MYBL2: variants seen among roughly 807,000 people sequenced by gnomAD.
MYBL2 encodes myb-related protein B.
In MYBL2, 28 loss-of-function variants were observed where a neutral mutation model predicts 79.9. The observed-to-expected ratio is 0.35, with a 90% CI of 0.26 to 0.48. The LOEUF (loss-of-function observed/expected upper bound fraction) is 0.48, where lower values mean the gene tolerates loss of function less well. MYBL2 is among the 20% of genes least tolerant of loss of function. MYBL2 has a pLI of 0.99. For synonymous variants in MYBL2, 378 were observed against 361.2 expected (o/e 1.05, Z -0.53); for missense variants, 735 against 893.9 (o/e 0.82, Z 2.27).
At position 43,716,075 on chromosome 20, in the gene MYBL2, C is replaced by T; in HGVS notation, c.2091C>T (p.Leu697=). 1 of 1,607,752 alleles carries T rather than the reference C, an allele frequency of 6.2e-7. No homozygotes were observed. ...AGCCCAGCCACACATCTCGGACCCTCATCTTGTCCTGAGGTGTTGAGGGTG... is the reference window on the plus strand; with the variant it reads ...AGCCCAGCCACACATCTCGGACCCTTATCTTGTCCTGAGGTGTTGAGGGTG... ...RLKPSHTSRT[L]ILS The change falls in exon 14 of 14, where the codon CTC becomes CTT. Residue 697 remains leucine (L), a synonymous_variant. Coordinates refer to ENST00000217026, the MANE Select transcript of MYBL2 (RefSeq NM_002466.4).
chr20:43,682,958 C>T lies in MYBL2; in HGVS notation c.279+72C>T. On this transcript the variant is annotated intron_variant, in intron 4 of 13. Coordinates refer to ENST00000217026, the MANE Select transcript of MYBL2 (RefSeq NM_002466.4). ...AGTGTACCTGGGGACTGTGAGATTG[C>T]CTTGTGTTGGGGTTGGGGGTGTCAA... 5 of 1,446,220 alleles carry T rather than the reference C, an allele frequency of 3.5e-6. No homozygotes were observed. The South Asian group carries it at 4.6e-5, about 13-fold the overall frequency. 89.6% of individuals were successfully genotyped at this position (1,446,220 alleles called of 1,614,324 possible).
At chr20:43,710,111 C>A in intron 10 of MYBL2, 49 bp downstream of exon 10, 1 of 1,452,000 alleles carries the variant, frequency 6.9e-7, no homozygotes, top group Non-Finnish European at 9.4e-7. Context: ...GGGATCCCTT[C>A]GGTTCATCCA....
rs1052741465 is a variant in MYBL2, at chr20:43,705,167, G to T, written c.1366-52G>T. The stretch of plus-strand genomic sequence containing the variant: ...CCCCATGATCCCCTGAGGTCTCAGG[G>T]ATACTCATGCAGGTCATCATTTTGT... On this transcript the variant is annotated intron_variant, in intron 8 of 13. Transcript: ENST00000217026. 1.1e-5 allele frequency: 18 copies of T among 1,597,690 alleles called. 1 individual carries two copies. In the South Asian group the frequency reaches 1.9e-4, roughly 17 times the overall value.
intron 6 of MYBL2, among the ~76,000 whole-genome samples, chr20:43,694,740 C>T (rs1033903997): frequency 6.6e-5 from 10 of 152,148 alleles, no homozygotes; most frequent in South Asian, 2.1e-4. Flanking sequence ...ATCTCTTAAC[C>T]GGAGGAGTCT....
At chr20:43,702,984 G>T in intron 8 of MYBL2, 81 bp downstream of exon 8, 1 of 1,429,640 alleles carries the variant, frequency 7.0e-7, no homozygotes, top group Non-Finnish European at 9.4e-7. Context: ...TGAGCAAAAC[G>T]AGACCTGGCT....
chr20:43,672,969 A>C (rs1480885143), intron 1 of MYBL2, among the ~76,000 whole-genome samples: 2 of 152,094 alleles, frequency 1.3e-5, no homozygotes, highest in Non-Finnish European at 2.9e-5. Flanking sequence ...TTTTTGAGAC[A>C]GTCTTGCTTT....
rs866299153 is a variant in MYBL2, at chr20:43,716,012, C to T, written c.2028C>T (p.Phe676=). 1.9e-6 allele frequency: 3 copies of T among 1,612,406 alleles called. No individual in the cohort carries two copies. Among genetic ancestry groups the T allele is most frequent in the Middle Eastern group, 1.7e-4 (1 of 6,058 alleles). The change falls in exon 14 of 14, where the codon TTC becomes TTT. Residue 676 remains phenylalanine, a synonymous_variant. Transcript: ENST00000217026. ...VACGGTRDQL[F]MQEKARQLLG... is the part of the protein sequence containing the mutation. ...GCGGGGGGACCAGGGACCAGCTTTTCATGCAGGAGAAAGCCCGGCAGCTCC... is the reference window on the plus strand; with the variant it reads ...GCGGGGGGACCAGGGACCAGCTTTTTATGCAGGAGAAAGCCCGGCAGCTCC...
At chr20:43,685,245 A>G (rs1334260106) in intron 4 of MYBL2, among the ~76,000 whole-genome samples, 7 of 151,512 alleles carry the variant, frequency 4.6e-5, no homozygotes. Context: ...CAGTGGCATG[A>G]TCTCAGCTCA....
intron 9 of MYBL2, among the ~76,000 whole-genome samples, chr20:43,708,197 T>A (rs1332298254): frequency 6.6e-6 from 1 of 152,144 alleles, no homozygotes; most frequent in African/African-American, 2.4e-5. Flanking sequence ...CCTCCCAGGA[T>A]CAAGTGATCC....
At position 43,699,933 on chromosome 20, in the gene MYBL2, A is replaced by G. The variant is rs1052162904; in HGVS notation, c.840A>G (p.Glu280=). ...AATTCCCGAAGCGTGAGGACCAGGA[A>G]GGCTCCCCACCAGAAACGAGCCTGC... ...LEEFPKREDQ[E]GSPPETSLPY... The change falls in exon 7 of 14, where the codon GAA becomes GAG. Residue 280 remains glutamate (E), a synonymous_variant. Transcript: ENST00000217026. 11 of 1,614,020 alleles carry G rather than the reference A, an allele frequency of 6.8e-6. No homozygotes were observed. The African/African-American group carries it at 1.2e-4, about 18-fold the overall frequency.
chr20:43,701,281 A>T (rs1005692062), intron 7 of MYBL2, among the ~76,000 whole-genome samples: 7 of 145,894 alleles, frequency 4.8e-5, no homozygotes, highest in Non-Finnish European at 1.1e-4. Flanking sequence ...TGTAGGATGT[A>T]CTTCTGGTCT....
At chr20:43,676,856 A>G (rs1600543204) in intron 2 of MYBL2, among the ~76,000 whole-genome samples, 1 of 147,826 alleles carries the variant, frequency 6.8e-6, no homozygotes, top group African/African-American at 2.5e-5. Flanking sequence ...AACATCATAG[A>G]TGTCTTTAAT....
intron 12 of MYBL2, among the ~76,000 whole-genome samples, chr20:43,714,122 G>T (rs1272343516): frequency 3.9e-5 from 6 of 152,122 alleles, no homozygotes; most frequent in African/African-American, 1.4e-4. Flanking sequence ...GTGGGCCTGG[G>T]TTTGAGTTAT....
intron 2 of MYBL2, among the ~76,000 whole-genome samples, chr20:43,676,524 A>ATAG (rs1987013397): frequency 6.6e-6 from 1 of 152,250 alleles, no homozygotes; most frequent in Non-Finnish European, 1.5e-5. Context: ...CTATCACTGG[A>ATAG]TAGTAGTCCA....
chr20:43,714,157 C>G (rs1174870405), intron 12 of MYBL2, among the ~76,000 whole-genome samples: 1 of 152,122 alleles, frequency 6.6e-6, no homozygotes, highest in Non-Finnish European at 1.5e-5. Context: ...TCTCTGGGAT[C>G]TTTCAGGTTC....
At chr20:43,692,867 C>T (rs1019129845) in intron 6 of MYBL2, among the ~76,000 whole-genome samples, 1 of 152,136 alleles carries the variant, frequency 6.6e-6, no homozygotes, top group Non-Finnish European at 1.5e-5. Flanking sequence ...GCCATGTAAC[C>T]ACTGTCACAG....
chr20:43,715,418 C>T (rs527760763), intron 13 of MYBL2, 135 bp downstream of exon 13: 105 of 1,429,502 alleles, frequency 7.3e-5, no homozygotes, highest in Non-Finnish European at 9.1e-5. Context: ...GTTCCTCTGC[C>T]TGGGTGCTTT....
intron 2 of MYBL2, among the ~76,000 whole-genome samples, chr20:43,675,306 T>A (rs992492722): frequency 2.6e-5 from 4 of 151,826 alleles, no homozygotes; most frequent in East Asian, 3.9e-4. Context: ...GGTGAACAGT[T>A]TGATCAGTTT....
At chr20:43,703,916 G>T (rs770513860) in intron 8 of MYBL2, among the ~76,000 whole-genome samples, 15 of 152,116 alleles carry the variant, frequency 9.9e-5, no homozygotes, top group Non-Finnish European at 2.2e-4. Flanking sequence ...TCTTCACGTG[G>T]TCACCTGTGT....
Sources: allele counts gnomAD v4.1 joint callset (sites outside exome capture counted in the v4.1 genomes callset), GRCh38; gene constraint gnomAD v4.1.1; transcripts MANE v1.5; gene names NCBI Gene and HGNC (gene_info 2026-07-23, HGNC 2026-07-21).